The following SMPD4 variants were observed in gnomAD, a reference collection of about 807,000 sequenced individuals.
The protein encoded by SMPD4 is sphingomyelin phosphodiesterase 4.
In SMPD4, 58 loss-of-function variants were observed where a neutral mutation model predicts 97.8. The ratio of observed to expected loss-of-function variants is 0.59; its 90% CI spans 0.48 to 0.74. SMPD4 has a LOEUF of 0.74. Among genes scored for constraint, SMPD4 ranks in the 30% least tolerant of loss-of-function variants. The pLI, the probability that SMPD4 is intolerant of heterozygous loss-of-function variation, is 0.00. For synonymous variants in SMPD4, 388 were observed against 450.0 expected (o/e 0.86, Z 1.74); for missense variants, 853 against 1,080.5 (o/e 0.79, Z 2.95).
At chr2:130,174,272 C>T (rs1249298534) in intron 3 of SMPD4, among the ~76,000 whole-genome samples, 2 of 152,128 alleles carry the variant, frequency 1.3e-5, no homozygotes, top group South Asian at 2.1e-4. Context: ...CCTCCCACCT[C>T]GGCCTCCCAA....
intron 15 of SMPD4, chr2:130,154,830 G>C: frequency 1.7e-6 from 1 of 606,056 alleles, no homozygotes; most frequent in South Asian, 2.0e-5. Flanking sequence ...GCGGGGTCAC[G>C]GGGCCGCAGC....
At chr2:130,153,676 G>C in intron 17 of SMPD4, 26 bp downstream of exon 17, 1 of 1,606,894 alleles carries the variant, frequency 6.2e-7, no homozygotes, top group East Asian at 2.2e-5. Flanking sequence ...CCCTGATGGC[G>C]GTGGGGCAGG....
At chr2:130,159,202 C>T in intron 11 of SMPD4, among the ~76,000 whole-genome samples, 1 of 152,104 alleles carries the variant, frequency 6.6e-6, no homozygotes, top group East Asian at 1.9e-4. Context: ...GCCATGTTGC[C>T]CAGGCTGGTC....
At position 130,172,477 on chromosome 2, in the gene SMPD4, G is replaced by C. The variant is rs769291523; in HGVS notation, c.531C>G (p.Val177=). ...TQKPLPVSLH[V]RTSDCAYFIL... Reference sequence around the variant, plus strand: ...TGAAATAGGCACAGTCTGAAGTACGGACGTGGAGGGACACAGGAAGTGGCT... The same window carrying C: ...TGAAATAGGCACAGTCTGAAGTACGCACGTGGAGGGACACAGGAAGTGGCT... Residue 177 remains valine, a synonymous_variant, in exon 8 of 20, where the codon GTC becomes GTG. Transcript: ENST00000680298. 1.2e-6 allele frequency: 2 copies of C among 1,611,606 alleles called. No individual in the cohort carries two copies. The highest frequency in any genetic ancestry group is 2.2e-5 in the South Asian group (2 of 90,742).
intron 1 of SMPD4, among the ~76,000 whole-genome samples, chr2:130,180,019 A>G (rs952683263): frequency 2.1e-5 from 3 of 143,508 alleles, no homozygotes; most frequent in African/African-American, 7.8e-5. Context: ...AGTGGAGTGC[A>G]GTGGCGCGAT....
At chr2:130,162,970 G>C (rs1037462562) in intron 10 of SMPD4, among the ~76,000 whole-genome samples, 8 of 152,194 alleles carry the variant, frequency 5.3e-5, no homozygotes, top group Admixed American at 5.2e-4. Flanking sequence ...CCCTCCACAG[G>C]GACAGCCCCC....
In SMPD4 at chr2:130,171,649, C is replaced by T. The variant is rs543294835; in HGVS notation, c.659+700G>A. Among the ~76,000 whole-genome samples the T allele has an allele frequency of 5.3e-3, 814 of 152,284 alleles. 30 individuals carry two copies. Among genetic ancestry groups the T allele is most frequent in the Non-Finnish European group, 9.1e-4 (62 of 68,020 alleles). On this transcript the variant is annotated intron_variant, in intron 8 of 19. Transcript: ENST00000680298. ...CCACCCTCTGGGGAATCTGTCCACACGTGAATTGTAGGTAAAGGCCTGGCC... is the reference window on the plus strand; with the variant it reads ...CCACCCTCTGGGGAATCTGTCCACATGTGAATTGTAGGTAAAGGCCTGGCC...
chr2:130,153,427 C>T lies in SMPD4; in HGVS notation c.1917G>A (p.Gln639=), dbSNP rs757914961. ...GGGTGGTGCCCAAGGCGAGTGTGAA[C>T]TGCCTGAGCTGCGCTTCGCTGAGCT... ...IFRLSEAQLR[Q]FTLALGTTQD... The change falls in exon 18 of 20, where the codon CAG becomes CAA. Residue 639 remains glutamine, a synonymous_variant. Transcript: ENST00000680298. 7 of 1,613,894 alleles carry T rather than the reference C, an allele frequency of 4.3e-6. No individual in the cohort carries two copies. The highest frequency in any genetic ancestry group is 5.9e-6 in the Non-Finnish European group (7 of 1,180,022).
chr2:130,174,830 G>A (rs766072070), intron 3 of SMPD4, 84 bp downstream of exon 3: 93 of 1,004,614 alleles, frequency 9.3e-5, no homozygotes, highest in East Asian at 1.2e-4. Context: ...GGGTTGGGGC[G>A]GGGAGGGAAA....
intron 12 of SMPD4, 102 bp downstream of exon 12, chr2:130,157,149 C>A: frequency 7.0e-7 from 1 of 1,436,296 alleles, no homozygotes; most frequent in South Asian, 1.4e-5. Context: ...GGACTCCCCT[C>A]ACCCTGCCCT....
At chr2:130,180,933 G>C (rs1024494168) in intron 1 of SMPD4, among the ~76,000 whole-genome samples, 2 of 152,124 alleles carry the variant, frequency 1.3e-5, no homozygotes, top group African/African-American at 2.4e-5. Flanking sequence ...TCCACTTCAT[G>C]GCGACTCTCC....
chr2:130,177,408 C>A (rs1161509264), intron 1 of SMPD4, among the ~76,000 whole-genome samples: 1 of 152,068 alleles, frequency 6.6e-6, no homozygotes, highest in African/African-American at 2.4e-5. Flanking sequence ...TATAGAAATG[C>A]TGTTCTCAGC....
chr2:130,158,227 T>A (rs1313506979), intron 11 of SMPD4: 1 of 1,288,726 alleles, frequency 7.8e-7, no homozygotes, highest in South Asian at 1.2e-5. Flanking sequence ...CTCGGCCCAG[T>A]AGAAGCCCCG....
chr2:130,153,239 G>A (rs1686409142), intron 18 of SMPD4, 68 bp from the exon 19 acceptor site: 7 of 1,612,538 alleles, frequency 4.3e-6, no homozygotes, highest in Non-Finnish European at 5.9e-6. Context: ...GGAGCCTGAT[G>A]GCCTCTGCTC....
chr2:130,155,119 T>C lies in SMPD4; in HGVS notation c.1430A>G (p.Asn477Ser), dbSNP rs779871382. The change falls in exon 15 of 20, where the codon AAC (asparagine) becomes AGC (serine). Residue 477 changes from asparagine to serine, a missense_variant. By Grantham distance (46) the Asn-to-Ser change is conservative. Transcript: ENST00000680298. ...FRVAKVFAQP[N>S]LAEMIQKGEQ... ...ACCTTTCTGAATCATCTCAGCCAGG[T>C]TGGGCTGGGCAAAGACTTTGGCCAC... 1.4e-5 allele frequency: 23 copies of C among 1,614,144 alleles called. No homozygotes were observed. Among genetic ancestry groups the C allele is most frequent in the Middle Eastern group, 1.6e-4 (1 of 6,062 alleles).
intron 10 of SMPD4, 116 bp from the exon 11 acceptor site, chr2:130,161,388 A>C (rs1687396937): frequency 9.0e-6 from 7 of 778,478 alleles, no homozygotes; most frequent in South Asian, 1.4e-5. Flanking sequence ...AGAGAGAAAG[A>C]AAGCAATGAG....
At chr2:130,158,227 T>G (rs1313506979) in intron 11 of SMPD4, 9 of 1,288,620 alleles carry the variant, frequency 7.0e-6, no homozygotes, top group Admixed American at 2.3e-5. Flanking sequence ...CTCGGCCCAG[T>G]AGAAGCCCCG....
intron 11 of SMPD4, chr2:130,157,634 C>G: frequency 1.3e-6 from 1 of 753,210 alleles, no homozygotes; most frequent in Non-Finnish European, 2.1e-6. Context: ...CTTGGCCCAG[C>G]GCCCACACAG....
chr2:130,167,528 A>C lies in SMPD4; in HGVS notation c.722T>G (p.Ile241Ser). Residue 241 changes from isoleucine (I) to serine (S), a missense_variant, in exon 9 of 20, where the codon ATC (isoleucine) becomes AGC (serine). Physicochemically the swap from Ile to Ser is moderately radical, Grantham distance 142. This residue lies in a region of SMPD4 where 313 missense variants were observed against 402.2 expected (regional missense o/e 0.78). Coordinates refer to ENST00000680298, the MANE Select transcript of SMPD4 (RefSeq NM_017951.5). ...TGCATTCACAGACGTCTGATGAGAG[A>C]TGTGTCGCTTTAGGAGGCTAGTGTG... Reference protein sequence around the residue: ...LHHTSLLKRHISHQTSVNADP... With the variant: ...LHHTSLLKRHSSHQTSVNADP... 1.2e-6 allele frequency: 2 copies of C among 1,613,788 alleles called. No homozygotes were observed. The highest frequency in any genetic ancestry group is 1.7e-6 in the Non-Finnish European group (2 of 1,179,832).
Sources: allele counts gnomAD v4.1 joint callset (sites outside exome capture counted in the v4.1 genomes callset), GRCh38; gene constraint gnomAD v4.1.1; regional missense constraint gnomAD v4.1.1; transcripts MANE v1.5; gene names NCBI Gene and HGNC (gene_info 2026-07-23, HGNC 2026-07-21).